PRELID2: variants seen among roughly 807,000 people sequenced by gnomAD.
PRELID2 encodes PRELI domain-containing protein 2.
A neutral mutation model predicts 28.4 loss-of-function variants in PRELID2; 25 were observed. The observed-to-expected ratio is 0.88, with a 90% CI of 0.64 to 1.23. The LOEUF (loss-of-function observed/expected upper bound fraction) is 1.23, where lower values mean the gene tolerates loss of function less well. PRELID2 is among the 50% of genes most tolerant of loss of function. The pLI is 0.00. For synonymous variants in PRELID2, 76 were observed against 71.6 expected (o/e 1.06, Z -0.31); for missense variants, 201 against 214.4 (o/e 0.94, Z 0.39).
chr5:145,818,075 G>A, intron 3 of PRELID2, 21 bp from the exon 4 acceptor site: 6 of 1,608,984 alleles, frequency 3.7e-6, no homozygotes, highest in East Asian at 2.2e-5. Context: ...GAAAGAAAAT[G>A]GCTTTTTCAA....
chr5:145,375,462 G>C, the PRELID2 span, among the ~76,000 whole-genome samples: 1 of 152,136 alleles, frequency 6.6e-6, no homozygotes, highest in Non-Finnish European at 1.5e-5. Context: ...TGGGTGTCCA[G>C]GGGAATAGGA....
At chr5:145,693,466 T>TAA (rs112047947) in intron 1 of PRELID2, among the ~76,000 whole-genome samples, 34 of 149,128 alleles carry the variant, frequency 2.3e-4, no homozygotes, top group Middle Eastern at 3.5e-3. Context: ...TTCTTAAAAT[T>TAA]AAAAAAAAAA....
At chr5:145,761,877 C>T (rs1471487306) in intron 6 of PRELID2, among the ~76,000 whole-genome samples, 1 of 151,932 alleles carries the variant, frequency 6.6e-6, no homozygotes, top group African/African-American at 2.4e-5. Flanking sequence ...CCACCTACAA[C>T]CACCCCCTCC....
chr5:145,483,404 A>G (rs951772143), intron 1 of PRELID2, among the ~76,000 whole-genome samples: 21 of 152,296 alleles, frequency 1.4e-4, no homozygotes, highest in Middle Eastern at 3.4e-3. Flanking sequence ...AGACTGCATC[A>G]TTGTCCTGGC....
the PRELID2 span, among the ~76,000 whole-genome samples, chr5:145,293,085 T>G: frequency 6.6e-6 from 1 of 152,130 alleles, no homozygotes; most frequent in Non-Finnish European, 1.5e-5. Flanking sequence ...AGAGCCTTTA[T>G]TCCCATTGAC....
chr5:145,638,572 T>C (rs1054497291), intron 1 of PRELID2, among the ~76,000 whole-genome samples: 3 of 152,224 alleles, frequency 2.0e-5, no homozygotes, highest in Non-Finnish European at 2.9e-5. Context: ...ACTATATACG[T>C]AGAGCCTTAA....
chr5:145,424,049 G>T, the PRELID2 span, among the ~76,000 whole-genome samples: 1 of 137,800 alleles, frequency 7.3e-6, no homozygotes, highest in Admixed American at 7.2e-5. Flanking sequence ...AGGCTGCTCG[G>T]GGGTCAGGGG....
At chr5:145,783,973 T>C (rs1461010964) in intron 5 of PRELID2, among the ~76,000 whole-genome samples, 3 of 151,806 alleles carry the variant, frequency 2.0e-5, no homozygotes, top group African/African-American at 7.3e-5. Flanking sequence ...TGGTCCAAGG[T>C]AGGATATATG....
At chr5:145,453,932 CAT>C in the PRELID2 span, among the ~76,000 whole-genome samples, 4 of 152,186 alleles carry the variant, frequency 2.6e-5, no homozygotes, top group East Asian at 7.7e-4. Context: ...CATACGTGTG[CAT>C]ATGTCTTTAC....
intron 1 of PRELID2, among the ~76,000 whole-genome samples, chr5:145,586,147 G>T (rs116421900): frequency 6.6e-6 from 1 of 152,078 alleles, no homozygotes; most frequent in Non-Finnish European, 1.5e-5. Flanking sequence ...CAGAAGGGCA[G>T]ACAGAAGCCA....
the PRELID2 span, among the ~76,000 whole-genome samples, chr5:145,466,452 A>G: frequency 6.6e-6 from 1 of 152,168 alleles, no homozygotes; most frequent in African/African-American, 2.4e-5. Context: ...GCTGGTAATT[A>G]AAGTCAAATT....
chr5:145,596,451 A>G (rs1340208214), intron 1 of PRELID2, among the ~76,000 whole-genome samples: 1 of 152,102 alleles, frequency 6.6e-6, no homozygotes. Flanking sequence ...AAAATCAGCC[A>G]AAACATTGGG....
chr5:145,289,930 C>T, the PRELID2 span, among the ~76,000 whole-genome samples: 1 of 152,014 alleles, frequency 6.6e-6, no homozygotes, highest in Admixed American at 6.6e-5. Flanking sequence ...AGACTTTTTG[C>T]CATTTTTTAA....
At chr5:145,431,006 G>GTTTTTTTT in the PRELID2 span, among the ~76,000 whole-genome samples, 4 of 55,558 alleles carry the variant, frequency 7.2e-5, no homozygotes, top group South Asian at 1.7e-3. Context: ...CCTGGCAATG[G>GTTTTTTTT]TTTTTTTTTT....
intron 1 of PRELID2, among the ~76,000 whole-genome samples, chr5:145,660,818 T>C (rs961314817): frequency 6.6e-6 from 1 of 152,176 alleles, no homozygotes. Context: ...AGAGTTTGAA[T>C]AAAATTGTCT....
At chr5:145,291,710 GT>G in the PRELID2 span, among the ~76,000 whole-genome samples, 1 of 151,948 alleles carries the variant, frequency 6.6e-6, no homozygotes, top group Non-Finnish European at 1.5e-5. Context: ...CAAACCCAAG[GT>G]TACTTAGATT....
intron 1 of PRELID2, among the ~76,000 whole-genome samples, chr5:145,499,248 G>A (rs1207174180): frequency 5.3e-5 from 8 of 152,086 alleles, no homozygotes; most frequent in South Asian, 2.1e-4. Flanking sequence ...ACTCCATCTC[G>A]TAAAATAAAT....
At chr5:145,660,440 T>C (rs62392295) in intron 1 of PRELID2, among the ~76,000 whole-genome samples, 1 of 152,140 alleles carries the variant, frequency 6.6e-6, no homozygotes, top group African/African-American at 2.4e-5. Flanking sequence ...CTCCTAACCC[T>C]CTAGGCAGAA....
intron 1 of PRELID2, among the ~76,000 whole-genome samples, chr5:145,654,831 A>G (rs2149673536): frequency 6.6e-6 from 1 of 152,288 alleles, no homozygotes; most frequent in East Asian, 1.9e-4. Flanking sequence ...CCCTTTGAAA[A>G]CTGGCACAAG....
Sources: allele counts gnomAD v4.1 joint callset (sites outside exome capture counted in the v4.1 genomes callset), GRCh38; gene constraint gnomAD v4.1.1; transcripts MANE v1.5; gene names NCBI Gene and HGNC (gene_info 2026-07-23, HGNC 2026-07-21).